The following LIN28B variants were observed in gnomAD, a reference collection of about 807,000 sequenced individuals.
LIN28B encodes lin-28 RNA binding posttranscriptional regulator B, also known as protein lin-28 homolog B.
In LIN28B, 5 loss-of-function variants were observed where a neutral mutation model predicts 21.9. The ratio of observed to expected loss-of-function variants is 0.23; its 90% CI spans 0.12 to 0.48. LIN28B has a LOEUF of 0.48. Among genes scored for constraint, LIN28B ranks in the 20% least tolerant of loss-of-function variants. The pLI, the probability that LIN28B is intolerant of heterozygous loss-of-function variation, is 0.98. For missense variants in LIN28B, 245 were observed against 310.5 expected (o/e 0.79, Z 1.58); for synonymous variants, 109 against 111.3 (o/e 0.98, Z 0.13).
rs137905947 is a variant in LIN28B at position 104,973,839 on chromosome 6, C to A, written c.198+15553C>A. On this transcript the variant is annotated intron_variant, in intron 2 of 3. Transcript: ENST00000345080. ...TGTCTTTACTTAGGTTTGGTTAATT[C>A]TTTTATACCTTTTCTAAAGGCTAAT... 4.7e-4 allele frequency among the ~76,000 whole-genome samples: 72 copies of A among 152,250 alleles called. 2 individuals are homozygous for A. The East Asian group carries it at 0.012, about 25-fold the overall frequency.
At chr6:105,060,750 CTG>C (rs1037409403) in intron 3 of LIN28B, among the ~76,000 whole-genome samples, 14 of 152,224 alleles carry the variant, frequency 9.2e-5, no homozygotes, top group African/African-American at 3.4e-4. Context: ...CCAGTAAACA[CTG>C]TGAATGCAAT....
intron 2 of LIN28B, among the ~76,000 whole-genome samples, chr6:104,961,680 G>A (rs1043713486): frequency 5.3e-5 from 8 of 152,126 alleles, no homozygotes; most frequent in East Asian, 1.9e-4. Context: ...GATTACAGGC[G>A]TGAGCCACCG....
chr6:105,063,638 G>A (rs1004486301), intron 3 of LIN28B, among the ~76,000 whole-genome samples: 1 of 100,790 alleles, frequency 9.9e-6, no homozygotes, highest in Non-Finnish European at 1.8e-5. Context: ...TCCATCTCGG[G>A]GGGGGGGGGG....
At chr6:104,976,954 A>G (rs1014522672) in intron 2 of LIN28B, among the ~76,000 whole-genome samples, 2 of 152,138 alleles carry the variant, frequency 1.3e-5, no homozygotes, top group Non-Finnish European at 1.5e-5. Context: ...TGCATTGCCT[A>G]TTTGTTTTCT....
intron 2 of LIN28B, among the ~76,000 whole-genome samples, chr6:105,017,019 G>A (rs994203646): frequency 9.2e-5 from 13 of 140,624 alleles, no homozygotes; most frequent in African/African-American, 3.4e-4. Context: ...GTTGGAGTGA[G>A]CCAAGATTGT....
intron 2 of LIN28B, among the ~76,000 whole-genome samples, chr6:104,984,400 T>A (rs964325642): frequency 9.2e-5 from 14 of 152,210 alleles, no homozygotes; most frequent in Non-Finnish European, 2.1e-4. Context: ...ACCTCAACTC[T>A]TGTATCTCTA....
At chr6:105,018,858 T>C (rs1318477902) in intron 2 of LIN28B, among the ~76,000 whole-genome samples, 51 of 152,318 alleles carry the variant, frequency 3.3e-4, no homozygotes, top group Non-Finnish European at 4.4e-5. Flanking sequence ...ATTGATGTTA[T>C]ATTGTCTCAA....
chr6:105,038,442 A>G (rs1771567892), intron 3 of LIN28B, among the ~76,000 whole-genome samples: 1 of 152,200 alleles, frequency 6.6e-6, no homozygotes, highest in South Asian at 2.1e-4. Context: ...CAGGGCCAAC[A>G]GTTGGGAAAA....
intron 3 of LIN28B, among the ~76,000 whole-genome samples, chr6:105,060,086 A>G (rs570297485): frequency 6.6e-6 from 1 of 152,210 alleles, no homozygotes; most frequent in South Asian, 2.1e-4. Flanking sequence ...TATTTTTAGT[A>G]GAGACAGGGC....
chr6:105,001,828 A>C (rs958710318), intron 2 of LIN28B, among the ~76,000 whole-genome samples: 20 of 152,352 alleles, frequency 1.3e-4, no homozygotes, highest in African/African-American at 4.8e-4. Context: ...TATTACAAAA[A>C]AACTCGATCT....
At chr6:104,979,592 A>G (rs980298208) in intron 2 of LIN28B, among the ~76,000 whole-genome samples, 2 of 136,410 alleles carry the variant, frequency 1.5e-5, no homozygotes, top group South Asian at 4.3e-4. Context: ...TTTTCTTGTT[A>G]AAAAAAAAAA....
intron 3 of LIN28B, among the ~76,000 whole-genome samples, chr6:105,046,803 C>T (rs374456202): frequency 6.6e-6 from 1 of 152,340 alleles, no homozygotes; most frequent in East Asian, 1.9e-4. Flanking sequence ...CTTTTGGCTG[C>T]ATAAATGTCT....
chr6:104,965,082 TATACTCATGGTGG>T (rs1418008324), intron 2 of LIN28B, among the ~76,000 whole-genome samples: 6 of 152,240 alleles, frequency 3.9e-5, no homozygotes, highest in Admixed American at 6.5e-5. Flanking sequence ...TTCAGTGGTG[TATACTCATGGTGG>T]ATAATTAAGC....
At chr6:104,963,148 G>A (rs942272318) in intron 2 of LIN28B, among the ~76,000 whole-genome samples, 1 of 152,094 alleles carries the variant, frequency 6.6e-6, no homozygotes, top group Non-Finnish European at 1.5e-5. Flanking sequence ...CCGGGTTCAC[G>A]CCATTCTCCT....
At chr6:104,991,414 G>C (rs1174016765) in intron 2 of LIN28B, among the ~76,000 whole-genome samples, 2 of 151,008 alleles carry the variant, frequency 1.3e-5, no homozygotes, top group Admixed American at 6.6e-5. Flanking sequence ...CATCCCAGAC[G>C]GGGCGGCGGG....
chr6:104,992,567 A>G (rs989237419), intron 2 of LIN28B, among the ~76,000 whole-genome samples: 3 of 151,576 alleles, frequency 2.0e-5, no homozygotes, highest in Admixed American at 6.6e-5. Flanking sequence ...ATGCAGTGGC[A>G]TAATCATGGC....
chr6:104,955,850 T>C (rs1778281381), upstream of LIN28B, among the ~76,000 whole-genome samples: 1 of 152,104 alleles, frequency 6.6e-6, no homozygotes, highest in African/African-American at 2.4e-5. Context: ...GGAAATAAAG[T>C]CTTTTTAGTT....
At chr6:104,989,145 T>C (rs1770407763) in intron 2 of LIN28B, among the ~76,000 whole-genome samples, 1 of 152,206 alleles carries the variant, frequency 6.6e-6, no homozygotes, top group Admixed American at 6.5e-5. Context: ...TTTTCTGTAT[T>C]TTATTTCTGC....
chr6:105,009,054 T>G (rs911635923), intron 2 of LIN28B, among the ~76,000 whole-genome samples: 3 of 152,206 alleles, frequency 2.0e-5, no homozygotes, highest in Non-Finnish European at 4.4e-5. Context: ...AACTACTCTT[T>G]TATGGTTTTT....
Sources: gnomAD v4.1 joint callset for allele counts (sites outside exome capture counted in the v4.1 genomes callset) on GRCh38, gnomAD v4.1.1 for gene constraint, MANE v1.5 for transcripts, NCBI Gene and HGNC (gene_info 2026-07-23, HGNC 2026-07-21) for gene names.